MRNIP: variants seen among roughly 807,000 people sequenced by gnomAD.
MRNIP encodes the protein MRN complex-interacting protein.
A neutral mutation model predicts 29.8 loss-of-function variants in MRNIP; 30 were observed. The observed-to-expected ratio is 1.01, with a 90% CI of 0.75 to 1.36. The LOEUF is 1.36. MRNIP is among the 40% of genes most tolerant of loss of function. The pLI, the probability that MRNIP is intolerant of heterozygous loss-of-function variation, is 0.00. For missense variants in MRNIP, 459 were observed against 423.5 expected, an observed-to-expected ratio of 1.08 and a Z score of -0.74; for synonymous variants, 201 against 164.1, an observed-to-expected ratio of 1.23 and a Z score of -1.72.
intron 2 of MRNIP, among the ~76,000 whole-genome samples, chr5:179,851,744 C>T (rs1029678957): frequency 5.3e-5 from 8 of 152,080 alleles, no homozygotes; most frequent in Non-Finnish European, 1.2e-4. Flanking sequence ...TTTGGGAGGC[C>T]AAGGTGGGCA....
intron 2 of MRNIP, among the ~76,000 whole-genome samples, chr5:179,849,215 C>T (rs1235932520): frequency 6.9e-6 from 1 of 145,362 alleles, no homozygotes; most frequent in African/African-American, 2.6e-5. Flanking sequence ...AATTTGAGAC[C>T]ATGGGTCCTG....
chr5:179,853,070 C>T (rs1759434457), intron 2 of MRNIP: 13 of 525,076 alleles, frequency 2.5e-5, no homozygotes, highest in Non-Finnish European at 3.3e-5. Flanking sequence ...TTTCTCTTCC[C>T]CTTCCACACA....
At chr5:179,847,553 T>C (rs751961890) in intron 3 of MRNIP, 25 of 158,934 alleles carry the variant, frequency 1.6e-4, no homozygotes, top group Non-Finnish European at 2.5e-4. Context: ...GCTCAGGGTG[T>C]TTGACTGCCA....
chr5:179,842,826 A>C (rs1758950220), intron 4 of MRNIP, among the ~76,000 whole-genome samples: 1 of 150,688 alleles, frequency 6.6e-6, no homozygotes. Context: ...TGAGCTCAGG[A>C]GTTCAAGACT....
At chr5:179,841,005 C>G in intron 5 of MRNIP, 46 bp from the exon 6 acceptor site, 2 of 1,384,516 alleles carry the variant, frequency 1.4e-6, no homozygotes, top group Non-Finnish European at 1.0e-6. Context: ...TCTCCAGTGG[C>G]ACCCCGAGCC....
chr5:179,848,831 C>T (rs1274790078), intron 2 of MRNIP, among the ~76,000 whole-genome samples: 3 of 152,350 alleles, frequency 2.0e-5, no homozygotes, highest in Admixed American at 2.0e-4. Context: ...AGGGGAAGAA[C>T]ATTCCAGCAG....
chr5:179,847,811 CG>C, intron 3 of MRNIP, 166 bp downstream of exon 3: 1 of 588,054 alleles, frequency 1.7e-6, no homozygotes, highest in South Asian at 2.0e-5. Context: ...TCCCCGGGGT[CG>C]GTTCTGAGGG....
In MRNIP at chr5:179,840,829, C is replaced by A. The variant is rs779799077; in HGVS notation, c.537+43G>T. ...AAAAGACAGAATTATCACACACACG[C>A]TCAGTGGTCACTGGGACCAGAGAGA... On this transcript the variant is annotated intron_variant, in intron 6 of 6. Coordinates refer to ENST00000292586, the MANE Select transcript of MRNIP (RefSeq NM_016175.4). 3 of 1,304,942 alleles carry A rather than the reference C, an allele frequency of 2.3e-6. No homozygotes were observed. The Admixed American group carries it at 5.4e-5, about 23-fold the overall frequency. 80.8% of individuals were successfully genotyped at this position (1,304,942 alleles called of 1,614,324 possible).
intron 2 of MRNIP, among the ~76,000 whole-genome samples, chr5:179,851,599 C>A (rs946883918): frequency 2.0e-5 from 3 of 152,110 alleles, no homozygotes; most frequent in African/African-American, 7.3e-5. Context: ...TAAGAGATCT[C>A]ATTACCTTGC....
intron 1 of MRNIP, among the ~76,000 whole-genome samples, chr5:179,853,892 A>AC (rs1759478384): frequency 6.7e-6 from 1 of 149,708 alleles, no homozygotes; most frequent in Non-Finnish European, 1.5e-5. Flanking sequence ...TTTGTATTTT[A>AC]GTAGAGATGG....
In MRNIP at chr5:179,847,622, G is replaced by A. The variant is rs954916657; in HGVS notation, c.215+356C>T. The A allele has an allele frequency of 1.2e-4, 24 of 199,994 alleles. No homozygotes were observed. In the Admixed American group the frequency reaches 1.3e-3, roughly 10 times the overall value. The allele number at this position is 199,994 out of a possible 1,614,324, so 12.4% of individuals were successfully genotyped here. A position where few individuals can be genotyped will look rare whatever the true frequency, so the allele number is the denominator to read the frequency against. On this transcript the variant is annotated intron_variant, in intron 3 of 6. Coordinates refer to ENST00000292586, the MANE Select transcript of MRNIP (RefSeq NM_016175.4). The stretch of plus-strand genomic sequence containing the variant: ...CACTGACCCAGGCCCAGTGGGGTCT[G>A]TCCTACCAGGGCCTCTCTGGTGAGC...
intron 2 of MRNIP, among the ~76,000 whole-genome samples, chr5:179,850,747 C>G (rs900135175): frequency 1.3e-5 from 2 of 152,316 alleles, no homozygotes; most frequent in African/African-American, 4.8e-5. Flanking sequence ...TGGATGGATA[C>G]TGAAGCGCAT....
chr5:179,849,804 G>A (rs1040288772), intron 2 of MRNIP, among the ~76,000 whole-genome samples: 12 of 151,918 alleles, frequency 7.9e-5, no homozygotes, highest in African/African-American at 2.9e-4. Context: ...GTAAGAGATG[G>A]AATTTGAGAC....
At position 179,837,850 on chromosome 5, in the gene MRNIP, G is replaced by A. The variant is rs1042065603; in HGVS notation, c.573C>T (p.Gly191=). ...AGTTCTCCTGGAGGCAGGGGCTGCT[G>A]CCTTGTTTCACCTTCCATGTCAGGC... ...QAGLTWKVKQ[G]SSPCLQENSA... Residue 191 remains glycine (G), a synonymous_variant, in exon 7 of 7, where the codon GGC becomes GGT. Coordinates refer to ENST00000292586, the MANE Select transcript of MRNIP (RefSeq NM_016175.4). 2 of 1,610,202 alleles carry A rather than the reference G, an allele frequency of 1.2e-6. No individual in the cohort carries two copies. The highest frequency in any genetic ancestry group is 1.7e-6 in the Non-Finnish European group (2 of 1,179,936).
chr5:179,854,159 T>TA (rs1759490804), intron 1 of MRNIP, among the ~76,000 whole-genome samples: 1 of 151,938 alleles, frequency 6.6e-6, no homozygotes. Flanking sequence ...TAGCTGGGAC[T>TA]ACAGGTGCCC....
Position 179,856,184 on chromosome 5 carries a change from G to A in MRNIP, c.66+2547C>T, listed in dbSNP as rs183085451. On this transcript the variant is annotated intron_variant, in intron 1 of 6. Coordinates refer to ENST00000292586, the MANE Select transcript of MRNIP (RefSeq NM_016175.4). ...GCCTCCCAAAGTGCTGGGATTACAG[G>A]TGTGAGCCACCGCACCCGGCCAAGA... Among the ~76,000 whole-genome samples, 3 of 152,012 alleles carry A rather than the reference G, an allele frequency of 2.0e-5. No individual in the cohort carries two copies. In the East Asian group the frequency reaches 5.8e-4, roughly 30 times the overall value.
At chr5:179,852,698 A>G (rs1190364841) in intron 2 of MRNIP, among the ~76,000 whole-genome samples, 1 of 152,212 alleles carries the variant, frequency 6.6e-6, no homozygotes, top group Non-Finnish European at 1.5e-5. Flanking sequence ...ATGGCTGTAG[A>G]AGGAGAGGAA....
chr5:179,856,661 C>G (rs1482984652), intron 1 of MRNIP, among the ~76,000 whole-genome samples: 2 of 152,160 alleles, frequency 1.3e-5, no homozygotes, highest in African/African-American at 4.8e-5. Context: ...TTAGTAGAGA[C>G]AAGGTCTCGC....
intron 2 of MRNIP, among the ~76,000 whole-genome samples, chr5:179,851,910 G>A (rs982883679): frequency 5.9e-5 from 9 of 152,020 alleles, no homozygotes; most frequent in South Asian, 2.1e-4. Context: ...CCCAGGGGGC[G>A]GAGCTTGCAG....
Sources: gnomAD v4.1 joint callset for allele counts (sites outside exome capture counted in the v4.1 genomes callset) on GRCh38, gnomAD v4.1.1 for gene constraint, MANE v1.5 for transcripts, NCBI Gene and HGNC (gene_info 2026-07-23, HGNC 2026-07-21) for gene names.